Variants in NCALD observed in about 807,000 individuals in gnomAD.
NCALD encodes neurocalcin-delta.
A neutral mutation model predicts 18.6 loss-of-function variants in NCALD; 10 were observed. The ratio of observed to expected loss-of-function variants is 0.54; its 90% CI spans 0.33 to 0.91. The LOEUF is 0.91. Among genes scored for constraint, NCALD ranks in the 40% least tolerant of loss-of-function variants. The pLI, the probability that NCALD is intolerant of heterozygous loss-of-function variation, is 0.03. For missense variants in NCALD, 184 were observed against 247.6 expected, an observed-to-expected ratio of 0.74 and a Z score of 1.72; for synonymous variants, 88 against 87.4, an observed-to-expected ratio of 1.01 and a Z score of -0.04.
intron 1 of NCALD, chr8:102,028,931 G>C (rs1276636844): frequency 2.6e-5 from 4 of 152,116 alleles, no homozygotes; most frequent in African/African-American, 9.7e-5. Context: ...CCCCAGAGTG[G>C]TGACAAACAC....
chr8:102,065,874 A>C (rs1275704765), intron 1 of NCALD, among the ~76,000 whole-genome samples: 1 of 152,224 alleles, frequency 6.6e-6, no homozygotes, highest in Non-Finnish European at 1.5e-5. Flanking sequence ...CCACATTTCC[A>C]AGGAGACAAG....
intron 2 of NCALD, among the ~76,000 whole-genome samples, chr8:101,957,015 G>T (rs1368107828): frequency 1.3e-5 from 2 of 152,082 alleles, no homozygotes; most frequent in Admixed American, 6.6e-5. Context: ...AACAGGAAAG[G>T]TTTCTTCCTT....
chr8:101,787,649 C>G (rs1011277599), intron 1 of NCALD, among the ~76,000 whole-genome samples: 7 of 152,154 alleles, frequency 4.6e-5, no homozygotes, highest in African/African-American at 1.7e-4. Context: ...CTAAACAATA[C>G]TATTAATACC....
rs141203476 is a variant in NCALD at position 101,737,124 on chromosome 8, GTTCT to G, written c.-19-17480_-19-17477del. Reference sequence around the variant, plus strand: ...ACAAGGAAATCCTTGTCTCTCAACAGTTCTTTTTTTTTTAGACAGGGTCTCACTC... The same window carrying G: ...ACAAGGAAATCCTTGTCTCTCAACAGTTTTTTTTTAGACAGGGTCTCACTC... On this transcript the variant is annotated intron_variant, in intron 1 of 3. Transcript: ENST00000220931. 1.4e-3 allele frequency among the ~76,000 whole-genome samples: 211 copies of G among 152,158 alleles called. 1 individual carries two copies. The highest frequency in any genetic ancestry group is 5.0e-3 in the African/African-American group (206 of 41,530).
intron 4 of NCALD, among the ~76,000 whole-genome samples, chr8:101,814,128 A>C (rs1797266401): frequency 6.6e-6 from 1 of 152,102 alleles, no homozygotes. Flanking sequence ...TTCAGAGTAC[A>C]GAAGAAAGCA....
At chr8:101,770,157 G>C (rs1811523077) in intron 1 of NCALD, among the ~76,000 whole-genome samples, 1 of 152,146 alleles carries the variant, frequency 6.6e-6, no homozygotes, top group African/African-American at 2.4e-5. Flanking sequence ...AGAGAGCTTT[G>C]ATTTTCAGAA....
chr8:101,762,935 G>A (rs1391522216), intron 1 of NCALD, among the ~76,000 whole-genome samples: 2 of 152,122 alleles, frequency 1.3e-5, no homozygotes, highest in African/African-American at 4.8e-5. Flanking sequence ...CCTAATATCA[G>A]CACCTCTTGC....
intron 1 of NCALD, among the ~76,000 whole-genome samples, chr8:102,030,904 A>T (rs1221294963): frequency 1.3e-5 from 2 of 151,808 alleles, no homozygotes; most frequent in Non-Finnish European, 1.5e-5. Flanking sequence ...TAAATAAATA[A>T]AATATAAAGT....
chr8:102,039,925 A>G (rs1194867191), intron 1 of NCALD, among the ~76,000 whole-genome samples: 2 of 152,142 alleles, frequency 1.3e-5, no homozygotes, highest in Admixed American at 6.5e-5. Context: ...ACTTTCTACC[A>G]TGAGTCTAAA....
At chr8:102,072,630 C>A (rs905277015) in intron 1 of NCALD, among the ~76,000 whole-genome samples, 1 of 151,980 alleles carries the variant, frequency 6.6e-6, no homozygotes, top group African/African-American at 2.4e-5. Flanking sequence ...AATAATAATA[C>A]ATTTAATAGG....
intron 1 of NCALD, among the ~76,000 whole-genome samples, chr8:102,118,189 T>C (rs1394039835): frequency 2.0e-5 from 3 of 152,176 alleles, no homozygotes; most frequent in Non-Finnish European, 4.4e-5. Flanking sequence ...GGGGCCTTTA[T>C]CCACCTGGAT....
chr8:101,811,650 G>A (rs886971968), intron 4 of NCALD, among the ~76,000 whole-genome samples: 34 of 152,308 alleles, frequency 2.2e-4, no homozygotes, highest in African/African-American at 7.9e-4. Flanking sequence ...GAAGAAAATG[G>A]GAGAGAGTTT....
chr8:101,876,041 G>A (rs548392439), intron 4 of NCALD, among the ~76,000 whole-genome samples: 9 of 152,316 alleles, frequency 5.9e-5, no homozygotes, highest in African/African-American at 2.2e-4. Flanking sequence ...TAACCTCTGG[G>A]ATTTCTTGCT....
intron 4 of NCALD, among the ~76,000 whole-genome samples, chr8:101,871,158 G>A (rs1175920639): frequency 6.6e-6 from 1 of 152,098 alleles, no homozygotes; most frequent in East Asian, 1.9e-4. Flanking sequence ...TCCTGGCGCA[G>A]CTTAACCAAG....
At chr8:101,829,665 C>T in intron 4 of NCALD, among the ~76,000 whole-genome samples, 1 of 152,250 alleles carries the variant, frequency 6.6e-6, no homozygotes, top group East Asian at 1.9e-4. Flanking sequence ...GTGGCACACA[C>T]ACACACACAC....
At chr8:101,871,644 T>C (rs989188379) in intron 4 of NCALD, among the ~76,000 whole-genome samples, 4 of 151,706 alleles carry the variant, frequency 2.6e-5, no homozygotes, top group African/African-American at 9.7e-5. Flanking sequence ...AATACTATAG[T>C]TTAAAAAAAG....
chr8:102,095,403 T>A (rs1284775342), intron 1 of NCALD, among the ~76,000 whole-genome samples: 1 of 152,124 alleles, frequency 6.6e-6, no homozygotes, highest in African/African-American at 2.4e-5. Context: ...GAACACCTCA[T>A]TTTTTTCCAA....
chr8:102,064,676 G>T (rs1226986279), intron 1 of NCALD, among the ~76,000 whole-genome samples: 1 of 152,144 alleles, frequency 6.6e-6, no homozygotes, highest in Non-Finnish European at 1.5e-5. Flanking sequence ...AAAGCTCAGG[G>T]TCAAGTGCAG....
At chr8:101,901,603 C>T (rs1054306420) in intron 3 of NCALD, among the ~76,000 whole-genome samples, 2 of 151,996 alleles carry the variant, frequency 1.3e-5, no homozygotes, top group Non-Finnish European at 2.9e-5. Context: ...AGAATTCTTA[C>T]CTCCCTTTAC....
Sources: allele counts gnomAD v4.1 joint callset (sites outside exome capture counted in the v4.1 genomes callset), GRCh38; gene constraint gnomAD v4.1.1; transcripts MANE v1.5; gene names NCBI Gene and HGNC (gene_info 2026-07-23, HGNC 2026-07-21).